SETX: variants seen among roughly 807,000 people sequenced by gnomAD.
The protein encoded by SETX is helicase senataxin.
Under a neutral mutation model 227.2 loss-of-function variants are expected in SETX, and 90 were observed. The observed-to-expected ratio is 0.40, with a 90% CI of 0.33 to 0.47. The LOEUF (loss-of-function observed/expected upper bound fraction) is 0.47, where lower values mean the gene tolerates loss of function less well. SETX is among the 20% of genes least tolerant of loss of function. The pLI is 0.91. For synonymous variants in SETX, 1,210 were observed against 1,113.2 expected (o/e 1.09, Z -1.73); for missense variants, 3,052 against 3,181.5 (o/e 0.96, Z 0.98).
intron 7 of SETX, 138 bp downstream of exon 7, chr9:132,334,470 T>C (rs1235969987): frequency 7.2e-6 from 7 of 976,610 alleles, no homozygotes; most frequent in South Asian, 1.4e-5. Flanking sequence ...CAAAACAAAA[T>C]AAAAAGTCTG....
Position 132,329,708 on chromosome 9 carries a change from C to CAA in SETX, c.1889_1890insTT (p.Ser631CysfsTer21). On this transcript the variant is annotated frameshift_variant, in exon 10 of 26. Coordinates refer to ENST00000224140, the MANE Select transcript of SETX (RefSeq NM_015046.7). LOFTEE classifies it high-confidence loss of function. ...CCAAACAATGCATATCTTTTCTAGACGTCTTCCCCATTTGTTCACTTTCTT... is the reference window on the plus strand; with the variant it reads ...CCAAACAATGCATATCTTTTCTAGACAAGTCTTCCCCATTTGTTCACTTTCTT... The CAA allele has an allele frequency of 6.2e-7, 1 of 1,614,070 alleles. No homozygotes were observed. The highest frequency in any genetic ancestry group is 1.1e-5 in the South Asian group (1 of 91,076).
At chr9:132,300,530 T>A in intron 12 of SETX, 100 bp downstream of exon 12, 1 of 1,325,448 alleles carries the variant, frequency 7.5e-7, no homozygotes, top group Non-Finnish European at 1.1e-6. Context: ...ACATGTTCGG[T>A]AAATGTCTAT....
chr9:132,320,252 T>C (rs769251289), intron 10 of SETX, among the ~76,000 whole-genome samples: 1 of 152,036 alleles, frequency 6.6e-6, no homozygotes, highest in Non-Finnish European at 1.5e-5. Flanking sequence ...AGGTTCTAAA[T>C]AGGATATAAA....
At chr9:132,276,852 A>G (rs188932927) in intron 22 of SETX, among the ~76,000 whole-genome samples, 7 of 152,338 alleles carry the variant, frequency 4.6e-5, no homozygotes, top group Admixed American at 3.3e-4. Context: ...TGTGAGCTCA[A>G]CAAGTATCTA....
At chr9:132,269,447 G>A (rs776651436) in intron 25 of SETX, 168 bp downstream of exon 25, 2 of 1,577,540 alleles carry the variant, frequency 1.3e-6, no homozygotes, top group African/African-American at 2.7e-5. Flanking sequence ...CTGAAAAAAG[G>A]CGAATGGTTC....
At chr9:132,343,518 C>T (rs988241119) in intron 4 of SETX, among the ~76,000 whole-genome samples, 2 of 152,142 alleles carry the variant, frequency 1.3e-5, no homozygotes, top group African/African-American at 4.8e-5. Flanking sequence ...CTAGCTATCC[C>T]ACTCCCATTT....
intron 5 of SETX, among the ~76,000 whole-genome samples, chr9:132,341,113 G>A (rs1490716453): frequency 2.6e-5 from 4 of 152,122 alleles, no homozygotes; most frequent in Admixed American, 1.3e-4. Flanking sequence ...TTGGGAGGCC[G>A]GGGTGGGTGC....
Position 132,275,289 on chromosome 9 carries a change from T to G in SETX, c.7067A>C (p.Gln2356Pro). Residue 2356 changes from glutamine (Q) to proline (P), a missense_variant, in exon 23 of 26, where the codon CAG (glutamine) becomes CCG (proline). Physicochemically the swap from Gln to Pro is moderately conservative, Grantham distance 76. This residue lies in a region of SETX where 412 missense variants were observed against 589.0 expected (regional missense o/e 0.70). Transcript: ENST00000224140. Reference sequence around the variant, plus strand: ...ATCGAACTCTTTGTCCAAATCCTTCTGAATCATCGTCTTCTGGGCCTTGTA... The same window carrying G: ...ATCGAACTCTTTGTCCAAATCCTTCGGAATCATCGTCTTCTGGGCCTTGTA... ...THYKAQKTMI[Q>P]KDLDKEFDRK... 1 of 1,614,176 alleles carries G rather than the reference T, an allele frequency of 6.2e-7. No homozygotes were observed. The highest frequency in any genetic ancestry group is 8.5e-7 in the Non-Finnish European group (1 of 1,180,018).
chr9:132,287,846 C>A (rs1454847725), intron 17 of SETX, among the ~76,000 whole-genome samples: 1 of 150,670 alleles, frequency 6.6e-6, no homozygotes, highest in Non-Finnish European at 1.5e-5. Context: ...ATACATGAAT[C>A]ATGCCATTCC....
intron 10 of SETX, among the ~76,000 whole-genome samples, chr9:132,314,602 G>A (rs1015899502): frequency 1.3e-5 from 2 of 152,128 alleles, no homozygotes; most frequent in African/African-American, 4.8e-5. Flanking sequence ...AGCAAACTAT[G>A]TTCCTTTTCT....
chr9:132,328,930 G>T lies in SETX; in HGVS notation c.2668C>A (p.His890Asn), dbSNP rs746696757. ...HENNCKIQEF[H>N]VDGKELIPFT... The stretch of plus-strand genomic sequence containing the variant: ...GGGATCAATTCTTTACCATCAACAT[G>T]AAATTCCTGTATTTTACAATTGTTT... The change falls in exon 10 of 26, where the codon CAT becomes AAT. Residue 890 changes from histidine to asparagine, a missense_variant. Around this residue, in one of 10 missense-constraint regions of SETX, gnomAD observed 1,483 missense variants for 1,312.0 expected, o/e 1.13. Coordinates refer to ENST00000224140, the MANE Select transcript of SETX (RefSeq NM_015046.7). 4 of 1,612,660 alleles carry T rather than the reference G, an allele frequency of 2.5e-6. 1 individual carries two copies. The South Asian group carries it at 4.4e-5, about 18-fold the overall frequency.
chr9:132,295,907 A>C lies in SETX; in HGVS notation c.6071T>G (p.Phe2024Cys), dbSNP rs1397651349. Residue 2024 changes from phenylalanine to cysteine, a missense_variant, in exon 15 of 26, where the codon TTC becomes TGC. Phe to Cys is a radical substitution (Grantham distance 205, BLOSUM62 -2). Around this residue, in one of 10 missense-constraint regions of SETX, gnomAD observed 412 missense variants for 589.0 expected, o/e 0.70. Coordinates refer to ENST00000224140, the MANE Select transcript of SETX (RefSeq NM_015046.7). The part of the protein sequence containing the change: ...DELMKKIILE[F>C]KEKCKDKKNP... ...CTTCTTGTCTTTACATTTTTCTTTG[A>C]ATTCAAGGATAATTTTTTTCATGAG... is the stretch of plus-strand genomic sequence containing the variant. 1.2e-6 allele frequency: 2 copies of C among 1,613,850 alleles called. No homozygotes were observed. The highest frequency in any genetic ancestry group is 1.7e-6 in the Non-Finnish European group (2 of 1,179,886).
At chr9:132,325,509 T>C (rs1846682478) in intron 10 of SETX, among the ~76,000 whole-genome samples, 1 of 152,166 alleles carries the variant, frequency 6.6e-6, no homozygotes, top group Non-Finnish European at 1.5e-5. Context: ...ACAAAACAAA[T>C]GCACATGGGA....
intron 2 of SETX, among the ~76,000 whole-genome samples, chr9:132,353,174 C>A (rs28501221): frequency 1.3e-5 from 2 of 152,188 alleles, no homozygotes; most frequent in Non-Finnish European, 2.9e-5. Flanking sequence ...GAGCTCAACA[C>A]ACACAAGGCC....
chr9:132,264,465 G>A lies in SETX; in HGVS notation c.7808C>T (p.Pro2603Leu), dbSNP rs555173370. The part of the protein sequence containing the change: ...VVAALSSHKP[P>L]VRGEPPAASP... Reference sequence around the variant, plus strand: ...GGCAGCTGGAGGTTCGCCCCGCACGGGAGGTTTGTGGCTGCTCAGAGCAGC... The same window carrying A: ...GGCAGCTGGAGGTTCGCCCCGCACGAGAGGTTTGTGGCTGCTCAGAGCAGC... Residue 2603 changes from proline (P) to leucine (L), a missense_variant, in exon 26 of 26, where the codon CCC (proline) becomes CTC (leucine). Physicochemically the swap from Pro to Leu is moderately conservative, Grantham distance 98. Coordinates refer to ENST00000224140, the MANE Select transcript of SETX (RefSeq NM_015046.7). The A allele has an allele frequency of 4.3e-6, 7 of 1,613,902 alleles. No individual in the cohort carries two copies. The East Asian group carries it at 6.7e-5, about 15-fold the overall frequency.
intron 10 of SETX, among the ~76,000 whole-genome samples, chr9:132,317,997 C>T (rs980216721): frequency 3.3e-5 from 5 of 152,162 alleles, no homozygotes; most frequent in East Asian, 3.9e-4. Context: ...TTTTTCTCTC[C>T]GAGATCCTTA....
chr9:132,328,993 A>G lies in SETX; in HGVS notation c.2605T>C (p.Leu869=), dbSNP rs1248423796. The G allele has an allele frequency of 2.5e-6, 4 of 1,607,486 alleles. No individual in the cohort carries two copies. Among genetic ancestry groups the G allele is most frequent in the Non-Finnish European group, 3.4e-6 (4 of 1,177,722 alleles). ...QNNVLPKEKQ[L]KNEELVIFSF... The stretch of plus-strand genomic sequence containing the variant: ...AAAATAACTAATTCTTCATTCTTTA[A>G]TTGTTTCTCTTTTGGCAATACATTG... The change falls in exon 10 of 26, where the codon TTA becomes CTA. Residue 869 remains leucine, a synonymous_variant. Transcript: ENST00000224140.
chr9:132,346,216 A>C (rs1256103236), intron 4 of SETX, 45 bp downstream of exon 4: 1 of 1,496,144 alleles, frequency 6.7e-7, no homozygotes, highest in South Asian at 1.1e-5. Flanking sequence ...TATGGTACTA[A>C]AATAATAAAA....
Position 132,264,242 on chromosome 9 carries a change from T to A in SETX, c.8031A>T (p.Leu2677Phe), listed in dbSNP as rs749325764. The A allele has an allele frequency of 1.2e-6, 2 of 1,614,144 alleles. No homozygotes were observed. Among genetic ancestry groups the A allele is most frequent in the Non-Finnish European group, 1.7e-6 (2 of 1,180,032 alleles). The change falls in exon 26 of 26, where the codon TTA (leucine) becomes TTT (phenylalanine). Residue 2677 changes from leucine (L) to phenylalanine (F), a missense_variant. Leu to Phe is a conservative substitution (Grantham distance 22, BLOSUM62 0). Transcript: ENST00000224140. ...TGGCCCATGTCACTGGGCTTTCCTATAAAAGCTTTCTTTTCTTGGAACTGC... is the reference window on the plus strand; with the variant it reads ...TGGCCCATGTCACTGGGCTTTCCTAAAAAAGCTTTCTTTTCTTGGAACTGC... ...EDSSSKKRKLL is the reference protein window; with the variant it reads ...EDSSSKKRKLF
Sources: gnomAD v4.1 joint callset for allele counts (sites outside exome capture counted in the v4.1 genomes callset) on GRCh38, gnomAD v4.1.1 for gene constraint, gnomAD v4.1.1 regional missense constraint, MANE v1.5 for transcripts, NCBI Gene and HGNC (gene_info 2026-07-23, HGNC 2026-07-21) for gene names.